The following MYO9A variants were observed in gnomAD, a reference collection of about 807,000 sequenced individuals.
The protein encoded by MYO9A is myosin IXA.
MYO9A carries 103 observed loss-of-function variants against 293.3 expected under a neutral mutation model. That is an observed-to-expected ratio of 0.35 (90% confidence interval 0.30 to 0.41). MYO9A has a LOEUF of 0.41. MYO9A is among the 10% of genes least tolerant of loss of function. MYO9A has a pLI of 1.00. For missense variants in MYO9A, 2,685 were observed against 3,033.0 expected (o/e 0.89, Z 2.69); for synonymous variants, 1,001 against 1,035.7 (o/e 0.97, Z 0.64).
At chr15:71,971,545 C>T (rs1243916257) in intron 12 of MYO9A, among the ~76,000 whole-genome samples, 7 of 150,068 alleles carry the variant, frequency 4.7e-5, no homozygotes, top group African/African-American at 1.5e-4. Flanking sequence ...AACCGCACCA[C>T]GGCATTCCAG....
intron 1 of MYO9A, among the ~76,000 whole-genome samples, chr15:72,110,615 A>G (rs954149965): frequency 1.3e-5 from 2 of 152,180 alleles, no homozygotes; most frequent in Non-Finnish European, 2.9e-5. Flanking sequence ...TTTTGTTATG[A>G]TAACTCACAC....
rs567253314 is a variant in MYO9A at position 72,111,502 on chromosome 15, T to A, written c.-72+6178A>T. ...AGATTGTCTTAAAAAAAAAAAAAAA[T>A]TAATAAATAAAACAGGAAATAGACG... is the stretch of plus-strand genomic sequence containing the variant. On this transcript the variant is annotated intron_variant, in intron 1 of 41. Transcript: ENST00000356056. Among the ~76,000 whole-genome samples, 109 of 146,746 alleles carry A rather than the reference T, an allele frequency of 7.4e-4. 1 individual carries two copies. The South Asian group carries it at 0.021, about 29-fold the overall frequency.
chr15:71,948,546 T>C (rs2058974748), intron 15 of MYO9A, among the ~76,000 whole-genome samples: 2 of 152,322 alleles, frequency 1.3e-5, no homozygotes, highest in Admixed American at 6.5e-5. Context: ...GTATTGTCTA[T>C]GGCTCCCTTC....
At chr15:71,963,126 C>T (rs1326189122) in intron 13 of MYO9A, among the ~76,000 whole-genome samples, 1 of 152,112 alleles carries the variant, frequency 6.6e-6, no homozygotes, top group South Asian at 2.1e-4. Flanking sequence ...TTCTGTTGCC[C>T]AGGCTGGAGT....
chr15:72,104,760 T>C (rs1267246168), intron 1 of MYO9A, among the ~76,000 whole-genome samples: 1 of 152,250 alleles, frequency 6.6e-6, no homozygotes, highest in Non-Finnish European at 1.5e-5. Flanking sequence ...AGGATACATC[T>C]GTTCTGCCCT....
At chr15:72,039,363 T>G (rs2078157408) in intron 2 of MYO9A, among the ~76,000 whole-genome samples, 1 of 152,192 alleles carries the variant, frequency 6.6e-6, no homozygotes, top group African/African-American at 2.4e-5. Context: ...TTTATAGTTG[T>G]ATACAAACTT....
intron 31 of MYO9A, among the ~76,000 whole-genome samples, chr15:71,877,152 G>A (rs987256350): frequency 1.3e-5 from 2 of 152,166 alleles, no homozygotes; most frequent in Non-Finnish European, 2.9e-5. Flanking sequence ...CTGGGGTACT[G>A]AAAAGAAACA....
At chr15:72,010,750 T>C (rs1281270631) in intron 6 of MYO9A, among the ~76,000 whole-genome samples, 1 of 152,216 alleles carries the variant, frequency 6.6e-6, no homozygotes, top group Admixed American at 6.5e-5. Context: ...AGTGTGCTGA[T>C]ACTAAGTTTG....
intron 1 of MYO9A, among the ~76,000 whole-genome samples, chr15:72,064,966 A>G (rs987650435): frequency 6.6e-6 from 1 of 152,210 alleles, no homozygotes; most frequent in Non-Finnish European, 1.5e-5. Flanking sequence ...CTTAGTACAA[A>G]GCCACAAAAA....
chr15:71,909,874 C>G (rs927514412), intron 19 of MYO9A, among the ~76,000 whole-genome samples: 3 of 151,966 alleles, frequency 2.0e-5, no homozygotes, highest in African/African-American at 7.3e-5. Flanking sequence ...TGTCACATGC[C>G]TGTAGCCACA....
intron 32 of MYO9A, among the ~76,000 whole-genome samples, chr15:71,870,814 T>C (rs1230557544): frequency 6.6e-6 from 1 of 152,242 alleles, no homozygotes; most frequent in Non-Finnish European, 1.5e-5. Flanking sequence ...AAATTCAAGT[T>C]TGTTTTTTGG....
intron 2 of MYO9A, among the ~76,000 whole-genome samples, chr15:72,042,974 G>A (rs907771786): frequency 9.2e-5 from 14 of 151,982 alleles, no homozygotes; most frequent in Admixed American, 2.6e-4. Context: ...GGAGGCTAAC[G>A]TGAGAGGATC....
intron 2 of MYO9A, among the ~76,000 whole-genome samples, chr15:72,043,338 T>A (rs2078282762): frequency 6.6e-6 from 1 of 152,146 alleles, no homozygotes; most frequent in Non-Finnish European, 1.5e-5. Context: ...ATACTTATCA[T>A]CTGATCTAGT....
chr15:71,977,853 C>T (rs1050165073), intron 12 of MYO9A, among the ~76,000 whole-genome samples: 9 of 151,998 alleles, frequency 5.9e-5, no homozygotes, highest in Non-Finnish European at 1.0e-4. Context: ...CTGGCTAACA[C>T]GGTGAAACCC....
intron 13 of MYO9A, among the ~76,000 whole-genome samples, chr15:71,966,280 G>GTGTT (rs1228762681): frequency 1.8e-3 from 267 of 150,992 alleles, no homozygotes; most frequent in African/African-American, 6.2e-3. Context: ...GTGTGTGTGT[G>GTGTT]TGTGTGTGTG....
intron 3 of MYO9A, among the ~76,000 whole-genome samples, chr15:72,031,168 G>A (rs370155918): frequency 1.3e-5 from 2 of 152,064 alleles, no homozygotes; most frequent in African/African-American, 4.8e-5. Flanking sequence ...AATTGTCTTC[G>A]ACGAAACCAG....
In MYO9A at chr15:71,852,115, A is replaced by T. The variant is rs1212083096; in HGVS notation, c.6475+17T>A. 6.2e-7 allele frequency: 1 copy of T among 1,602,394 alleles called. No homozygotes were observed. Among genetic ancestry groups the T allele is most frequent in the Admixed American group, 1.7e-5 (1 of 59,362 alleles). Reference sequence around the variant, plus strand: ...CAACTATAGGCCTTCTCTCTAACCCAGGAAGCCTATGCTTACCCATAGCTC... The same window carrying T: ...CAACTATAGGCCTTCTCTCTAACCCTGGAAGCCTATGCTTACCCATAGCTC... On this transcript the variant is annotated intron_variant, in intron 36 of 41. Coordinates refer to ENST00000356056, the MANE Select transcript of MYO9A (RefSeq NM_006901.4).
intron 1 of MYO9A, among the ~76,000 whole-genome samples, chr15:72,052,259 C>A (rs924275311): frequency 6.6e-6 from 1 of 152,160 alleles, no homozygotes; most frequent in African/African-American, 2.4e-5. Context: ...TCCACGGTCT[C>A]CACTCTGCTG....
chr15:72,010,501 G>A, intron 6 of MYO9A, 54 bp from the exon 7 acceptor site: 1 of 1,461,046 alleles, frequency 6.8e-7, no homozygotes, highest in Non-Finnish European at 9.4e-7. Context: ...TTAAAATAAT[G>A]TGGGCCATTC....
Sources: gnomAD v4.1 joint callset for allele counts (sites outside exome capture counted in the v4.1 genomes callset) on GRCh38, gnomAD v4.1.1 for gene constraint, MANE v1.5 for transcripts, NCBI Gene and HGNC (gene_info 2026-07-23, HGNC 2026-07-21) for gene names.